Variants in TULP4 observed in about 807,000 individuals in gnomAD.
TULP4 encodes TUB like protein 4.
A neutral mutation model predicts 129.0 loss-of-function variants in TULP4; 16 were observed. That is an observed-to-expected ratio of 0.12 (90% CI 0.08 to 0.19). The LOEUF (loss-of-function observed/expected upper bound fraction) is 0.19, where lower values mean the gene tolerates loss of function less well. Ranked by LOEUF, TULP4 falls within the 10% of genes least tolerant of loss-of-function variation. TULP4 has a pLI of 1.00. For missense variants in TULP4, 1,842 were observed against 2,059.1 expected (o/e 0.89, Z 2.04); for synonymous variants, 998 against 854.0 (o/e 1.17, Z -2.94).
intron 4 of TULP4, 23 bp from the exon 5 acceptor site, chr6:158,452,111 A>G (rs1427185866): frequency 2.5e-6 from 4 of 1,610,934 alleles, no homozygotes; most frequent in Non-Finnish European, 3.4e-6. Flanking sequence ...CCTCCTTTTC[A>G]CTTGGCACTT....
chr6:158,245,674 G>A (rs1778016217), intron 1 of TULP4, among the ~76,000 whole-genome samples: 1 of 152,004 alleles, frequency 6.6e-6, no homozygotes, highest in Non-Finnish European at 1.5e-5. Flanking sequence ...CTTAGACAAG[G>A]AATTATTTAA....
chr6:158,405,092 A>C (rs1212418639), intron 1 of TULP4, among the ~76,000 whole-genome samples: 1 of 152,228 alleles, frequency 6.6e-6, no homozygotes, highest in African/African-American at 2.4e-5. Context: ...TTGTGGAGCT[A>C]AAATAAGCTA....
At chr6:158,344,641 T>C (rs1169858695) in intron 1 of TULP4, among the ~76,000 whole-genome samples, 3 of 152,222 alleles carry the variant, frequency 2.0e-5, no homozygotes, top group Non-Finnish European at 2.9e-5. Flanking sequence ...GTATGTGTTA[T>C]GACTGTTCCA....
At chr6:158,284,789 C>G (rs1207482803) in intron 1 of TULP4, among the ~76,000 whole-genome samples, 1 of 152,176 alleles carries the variant, frequency 6.6e-6, no homozygotes, top group Non-Finnish European at 1.5e-5. Flanking sequence ...ATGTTAATTC[C>G]TGGATTTTAC....
chr6:158,349,826 T>TTC (rs1780455685), intron 1 of TULP4, among the ~76,000 whole-genome samples: 6 of 40,618 alleles, frequency 1.5e-4, no homozygotes, highest in Admixed American at 2.8e-4. Flanking sequence ...ACCTCCCAGA[T>TTC]GGGGCGGCCG....
intron 6 of TULP4, among the ~76,000 whole-genome samples, chr6:158,467,106 G>A (rs1779570702): frequency 6.6e-6 from 1 of 152,040 alleles, no homozygotes; most frequent in African/African-American, 2.4e-5. Flanking sequence ...TCCAGGTTGT[G>A]GTCCAGCTGC....
intron 12 of TULP4, among the ~76,000 whole-genome samples, chr6:158,500,734 C>T (rs1296754886): frequency 6.6e-6 from 1 of 152,220 alleles, no homozygotes; most frequent in Non-Finnish European, 1.5e-5. Flanking sequence ...GGGTTTAATT[C>T]AGCATGGCTC....
chr6:158,366,937 A>G (rs747375136), intron 1 of TULP4, among the ~76,000 whole-genome samples: 2 of 152,164 alleles, frequency 1.3e-5, no homozygotes. Context: ...TGGGCCAAAC[A>G]GTCTCATGAA....
chr6:158,493,855 A>C lies in TULP4; in HGVS notation c.1776+138A>C, dbSNP rs929437757. The C allele has an allele frequency of 4.1e-6, 4 of 967,890 alleles. No individual in the cohort carries two copies. The African/African-American group carries it at 5.1e-5, about 12-fold the overall frequency. 60.0% of individuals were successfully genotyped at this position (967,890 alleles called of 1,614,324 possible). On this transcript the variant is annotated intron_variant, in intron 10 of 13. Coordinates refer to ENST00000367097, the MANE Select transcript of TULP4 (RefSeq NM_020245.5). This position sits in a 1 kb window ranked among gnomAD's most constrained non-coding sequence, Gnocchi z 4.4. ...CTGCTCCACATCCTGCACACCACCTACTACCTCAGGAGTAGCCCTCAGGTG... is the reference window on the plus strand; with the variant it reads ...CTGCTCCACATCCTGCACACCACCTCCTACCTCAGGAGTAGCCCTCAGGTG...
intron 1 of TULP4, among the ~76,000 whole-genome samples, chr6:158,251,285 AT>A (rs987296994): frequency 2.0e-5 from 3 of 152,180 alleles, no homozygotes; most frequent in Non-Finnish European, 4.4e-5. Context: ...CAGCTACTGA[AT>A]TTTTAGTTCG....
chr6:158,455,571 T>G (rs1029523381), intron 5 of TULP4, among the ~76,000 whole-genome samples: 1 of 151,990 alleles, frequency 6.6e-6, no homozygotes, highest in Non-Finnish European at 1.5e-5. Flanking sequence ...ACCTTGTCTC[T>G]ACTGAAAGTA....
In TULP4 at chr6:158,347,634, A is replaced by G. The variant is rs182672778; in HGVS notation, c.252+33366A>G. Reference sequence around the variant, plus strand: ...ATCTCCTGCCATCTCTTTGAGGTAAAGTCTTCCTGCCTGCTGACCTTCCTG... The same window carrying G: ...ATCTCCTGCCATCTCTTTGAGGTAAGGTCTTCCTGCCTGCTGACCTTCCTG... On this transcript the variant is annotated intron_variant, in intron 1 of 13. Transcript: ENST00000367097. Among the ~76,000 whole-genome samples, 214 of 152,250 alleles carry G rather than the reference A, an allele frequency of 1.4e-3. 1 individual carries two copies. The highest frequency in any genetic ancestry group is 4.5e-3 in the African/African-American group (189 of 41,542).
intron 5 of TULP4, among the ~76,000 whole-genome samples, chr6:158,453,864 A>G (rs564019468): frequency 6.6e-6 from 1 of 151,344 alleles, no homozygotes; most frequent in East Asian, 1.9e-4. Flanking sequence ...GAGGCAGGAG[A>G]ATCGCTTGAA....
chr6:158,263,411 C>G (rs1419108243), intron 1 of TULP4, among the ~76,000 whole-genome samples: 1 of 152,112 alleles, frequency 6.6e-6, no homozygotes, highest in African/African-American at 2.4e-5. Flanking sequence ...AATAGTAACT[C>G]CTGAGCTGCT....
intron 5 of TULP4, among the ~76,000 whole-genome samples, chr6:158,456,857 G>T (rs1450777130): frequency 6.6e-6 from 1 of 151,386 alleles, no homozygotes. Flanking sequence ...AAAATGTTCA[G>T]TGTACCAAAA....
intron 12 of TULP4, among the ~76,000 whole-genome samples, chr6:158,501,163 A>G (rs977999178): frequency 1.3e-5 from 2 of 152,134 alleles, no homozygotes; most frequent in South Asian, 2.1e-4. Context: ...CACATTTTAC[A>G]TGGTTCTATT....
At chr6:158,409,299 T>TATA (rs1778035844) in intron 1 of TULP4, among the ~76,000 whole-genome samples, 1 of 152,182 alleles carries the variant, frequency 6.6e-6, no homozygotes, top group South Asian at 2.1e-4. Context: ...GAACATGTCT[T>TATA]ATATTGGAGA....
intron 1 of TULP4, among the ~76,000 whole-genome samples, chr6:158,305,325 G>C (rs1212152779): frequency 2.1e-4 from 1 of 4,680 alleles, no homozygotes; most frequent in South Asian, 0.012. Flanking sequence ...TTCTGTGTGC[G>C]TGTGTGTGTG....
chr6:158,366,762 T>TA (rs763066678), intron 1 of TULP4, among the ~76,000 whole-genome samples: 9 of 152,242 alleles, frequency 5.9e-5, no homozygotes, highest in Non-Finnish European at 1.0e-4. Context: ...TAGTGAGTGA[T>TA]ACGTAAAACC....
Sources: allele counts gnomAD v4.1 joint callset (sites outside exome capture counted in the v4.1 genomes callset), GRCh38; gene constraint gnomAD v4.1.1; non-coding constraint Gnocchi (gnomAD v3.1); transcripts MANE v1.5; gene names NCBI Gene and HGNC (gene_info 2026-07-23, HGNC 2026-07-21).